Variants in CLIP2 observed in about 807,000 individuals in gnomAD.
The protein encoded by CLIP2 is CAP-Gly domain containing linker protein 2.
A neutral mutation model predicts 111.7 loss-of-function variants in CLIP2; 41 were observed. The ratio of observed to expected loss-of-function variants is 0.37; its 90% CI spans 0.29 to 0.48. The LOEUF is 0.48. CLIP2 is among the 20% of genes least tolerant of loss of function. The probability of loss-of-function intolerance (pLI) is 0.99; values close to 1 mark genes in which losing one functional copy is unlikely to be tolerated. For synonymous variants in CLIP2, 660 were observed against 644.2 expected (o/e 1.02, Z -0.37); for missense variants, 1,160 against 1,422.1 (o/e 0.82, Z 2.96).
At position 74,349,096 on chromosome 7, in the gene CLIP2, A is replaced by G. The variant is rs146592642; in HGVS notation, c.679-4784A>G. Among the ~76,000 whole-genome samples, 347 of 152,134 alleles carry G rather than the reference A, an allele frequency of 2.3e-3. 2 individuals are homozygous for G. The highest frequency in any genetic ancestry group is 7.9e-3 in the African/African-American group (327 of 41,528). ...ATCAACAGATAAATGGACAAGCACA[A>G]TGCATTCTGCCCATGCCATGGGATA... is the stretch of plus-strand genomic sequence containing the variant. On this transcript the variant is annotated intron_variant, in intron 3 of 16. Transcript: ENST00000223398.
At chr7:74,383,374 T>C (rs1301816133) in intron 11 of CLIP2, among the ~76,000 whole-genome samples, 1 of 152,220 alleles carries the variant, frequency 6.6e-6, no homozygotes, top group African/African-American at 2.4e-5. Flanking sequence ...TTCTGGACTT[T>C]TGTTCTATTC....
intron 2 of CLIP2, among the ~76,000 whole-genome samples, chr7:74,326,175 G>C (rs797033921): frequency 6.6e-5 from 10 of 152,272 alleles, no homozygotes; most frequent in African/African-American, 2.4e-4. Context: ...GGAAGGCAGA[G>C]GTTGTAGTGA....
chr7:74,338,545 T>C lies in CLIP2; in HGVS notation c.219T>C (p.Asp73=). The change falls in exon 3 of 17, where the codon GAT becomes GAC. Residue 73 remains aspartate, a synonymous_variant. Coordinates refer to ENST00000223398, the MANE Select transcript of CLIP2 (RefSeq NM_003388.5). The surrounding 1 kb of genome is among the most constrained non-coding windows in gnomAD (Gnocchi z 4.3). ...KPGPKAAEVG[D]DFLGDFVVGE... Reference sequence around the variant, plus strand: ...GCCCCAAGGCGGCGGAAGTGGGGGATGACTTCCTGGGGGACTTTGTGGTGG... The same window carrying C: ...GCCCCAAGGCGGCGGAAGTGGGGGACGACTTCCTGGGGGACTTTGTGGTGG... 6.3e-7 allele frequency: 1 copy of C among 1,597,772 alleles called. No homozygotes were observed. Among genetic ancestry groups the C allele is most frequent in the South Asian group, 1.1e-5 (1 of 89,258 alleles).
intron 2 of CLIP2, among the ~76,000 whole-genome samples, chr7:74,325,433 G>T (rs1251091170): frequency 2.0e-5 from 3 of 152,108 alleles, no homozygotes; most frequent in Non-Finnish European, 2.9e-5. Flanking sequence ...GTCAGGGACG[G>T]CCTGGCTCCA....
intron 3 of CLIP2, among the ~76,000 whole-genome samples, chr7:74,344,603 A>G (rs1026474640): frequency 2.6e-5 from 4 of 151,872 alleles, no homozygotes; most frequent in Non-Finnish European, 5.9e-5. Flanking sequence ...GGGTCTCGCT[A>G]CATTCCTCAG....
At chr7:74,319,985 G>T (rs544878279) in intron 2 of CLIP2, among the ~76,000 whole-genome samples, 12 of 151,746 alleles carry the variant, frequency 7.9e-5, no homozygotes, top group Non-Finnish European at 1.6e-4. Context: ...TCTTTGGGAG[G>T]CTGAGGCGGG....
At chr7:74,315,228 A>G (rs1788738393) in intron 1 of CLIP2, among the ~76,000 whole-genome samples, 1 of 152,132 alleles carries the variant, frequency 6.6e-6, no homozygotes, top group East Asian at 1.9e-4. Context: ...GTGAGCCGAG[A>G]TGCTGTCACT....
At chr7:74,303,598 T>A (rs79069188) in intron 1 of CLIP2, among the ~76,000 whole-genome samples, 9 of 150,474 alleles carry the variant, frequency 6.0e-5, no homozygotes, top group Admixed American at 1.3e-4. Flanking sequence ...TCTCTTATTT[T>A]TTTTTTTTTT....
intron 4 of CLIP2, among the ~76,000 whole-genome samples, chr7:74,356,035 G>A (rs1204360874): frequency 6.6e-6 from 1 of 152,160 alleles, no homozygotes; most frequent in African/African-American, 2.4e-5. Flanking sequence ...CTGTGTGACT[G>A]TGGGCAAGTT....
chr7:74,342,952 G>A (rs372723998), intron 3 of CLIP2, among the ~76,000 whole-genome samples: 1 of 151,182 alleles, frequency 6.6e-6, no homozygotes, highest in African/African-American at 2.4e-5. Context: ...GGAGAATGGC[G>A]TGAACCTGGG....
intron 3 of CLIP2, among the ~76,000 whole-genome samples, chr7:74,353,610 G>A: frequency 6.6e-6 from 1 of 152,176 alleles, no homozygotes; most frequent in East Asian, 1.9e-4. Flanking sequence ...AACTTGCCTA[G>A]GCACACACAG....
chr7:74,329,546 T>A (rs1460624309), intron 2 of CLIP2, among the ~76,000 whole-genome samples: 1 of 151,736 alleles, frequency 6.6e-6, no homozygotes, highest in Non-Finnish European at 1.5e-5. Context: ...AACTTGGAGG[T>A]TAAATTGTTT....
At chr7:74,316,808 C>T (rs1584319727) in intron 1 of CLIP2, among the ~76,000 whole-genome samples, 3 of 152,250 alleles carry the variant, frequency 2.0e-5, no homozygotes, top group African/African-American at 2.4e-5. Context: ...GTGATCCACT[C>T]GCCTCAGCCT....
At chr7:74,337,875 C>A (rs1789520978) in intron 2 of CLIP2, among the ~76,000 whole-genome samples, 1 of 152,126 alleles carries the variant, frequency 6.6e-6, no homozygotes, top group Non-Finnish European at 1.5e-5. Context: ...GGATTACAGG[C>A]ATGAGCCACC....
intron 8 of CLIP2, among the ~76,000 whole-genome samples, chr7:74,370,564 A>G (rs1790588553): frequency 6.6e-6 from 1 of 151,446 alleles, no homozygotes. Context: ...GGCTCTGTAG[A>G]GTGGGCCAGA....
intron 3 of CLIP2, among the ~76,000 whole-genome samples, chr7:74,349,466 GTGTGTATATA>G (rs1381897683): frequency 4.3e-4 from 33 of 77,494 alleles, no homozygotes; most frequent in African/African-American, 1.5e-3. Flanking sequence ...GTGTGTGTGT[GTGTGTATATA>G]TATATATATA....
intron 11 of CLIP2, chr7:74,381,649 C>T: frequency 2.2e-6 from 1 of 456,184 alleles, no homozygotes; most frequent in Non-Finnish European, 4.4e-6. Flanking sequence ...AAGCAAGTGA[C>T]ACAAATGGTA....
chr7:74,379,271 G>T (rs1790875107), intron 10 of CLIP2, among the ~76,000 whole-genome samples: 1 of 151,724 alleles, frequency 6.6e-6, no homozygotes, highest in Non-Finnish European at 1.5e-5. Context: ...GGAGGTTGCA[G>T]TGAGCCAAGA....
chr7:74,341,776 G>T (rs1369993188), intron 3 of CLIP2, among the ~76,000 whole-genome samples: 1 of 152,028 alleles, frequency 6.6e-6, no homozygotes, highest in Non-Finnish European at 1.5e-5. Context: ...TGCTAGCCTG[G>T]TTCCTCTGGA....
Sources: allele counts gnomAD v4.1 joint callset (sites outside exome capture counted in the v4.1 genomes callset), GRCh38; gene constraint gnomAD v4.1.1; non-coding constraint Gnocchi (gnomAD v3.1); transcripts MANE v1.5; gene names NCBI Gene and HGNC (gene_info 2026-07-23, HGNC 2026-07-21).